DLC1: variants seen among roughly 807,000 people sequenced by gnomAD.
DLC1 encodes DLC1 Rho GTPase activating protein.
A neutral mutation model predicts 140.3 loss-of-function variants in DLC1; 54 were observed. The observed-to-expected ratio is 0.38, with a 90% CI of 0.31 to 0.48. The LOEUF (loss-of-function observed/expected upper bound fraction) is 0.48. DLC1 is among the 20% of genes least tolerant of loss of function. DLC1 has a pLI of 0.96. For missense variants in DLC1, 2,536 were observed against 1,907.0 expected, an observed-to-expected ratio of 1.33 and a Z score of -6.14; for synonymous variants, 986 against 728.1, an observed-to-expected ratio of 1.35 and a Z score of -5.70.
intron 1 of DLC1, among the ~76,000 whole-genome samples, chr8:13,586,271 G>C (rs1805306561): frequency 6.6e-6 from 1 of 152,148 alleles, no homozygotes. Context: ...CCAAGACAGA[G>C]AGAATGAGGC....
chr8:13,533,794 C>T (rs1803179759), intron 1 of DLC1, among the ~76,000 whole-genome samples: 1 of 152,132 alleles, frequency 6.6e-6, no homozygotes, highest in Non-Finnish European at 1.5e-5. Flanking sequence ...TAGTGGGGTT[C>T]TCACTGTAGT....
intron 4 of DLC1, among the ~76,000 whole-genome samples, chr8:13,362,145 T>A (rs1173950477): frequency 2.0e-5 from 3 of 151,956 alleles, no homozygotes; most frequent in Non-Finnish European, 4.4e-5. Context: ...CAGAGAGGAG[T>A]TGGCACATAC....
At chr8:13,120,091 C>G (rs1820914138) in intron 5 of DLC1, among the ~76,000 whole-genome samples, 1 of 151,610 alleles carries the variant, frequency 6.6e-6, no homozygotes, top group African/African-American at 2.4e-5. Flanking sequence ...GCCTGTAATA[C>G]CAGCACTTTA....
At position 13,115,437 on chromosome 8, in the gene DLC1, C is replaced by G. The variant is rs35858677; in HGVS notation, c.1420+149G>C. 304,630 of 694,938 alleles carry G rather than the reference C, an allele frequency of 0.44. 71,183 individuals are homozygous for G. The highest frequency in any genetic ancestry group is 0.53 in the Middle Eastern group (1,370 of 2,582). The allele number at this position is 694,938 out of a possible 1,614,324, so 43.0% of individuals were successfully genotyped here. On this transcript the variant is annotated intron_variant, in intron 6 of 17. Transcript: ENST00000276297. ...CCAAGGTGCTAGCTTTTGTTTTCAG[C>G]GGTGGGGGTCTTGCATGCTTACAAC... is the stretch of plus-strand genomic sequence containing the variant.
intron 5 of DLC1, among the ~76,000 whole-genome samples, chr8:13,262,452 A>G (rs763182137): frequency 6.6e-6 from 1 of 152,190 alleles, no homozygotes; most frequent in Non-Finnish European, 1.5e-5. Flanking sequence ...AAGCAATGAT[A>G]CATGGACAAC....
At chr8:13,318,197 ATTT>A (rs3988459) in intron 4 of DLC1, among the ~76,000 whole-genome samples, 4,518 of 136,232 alleles carry the variant, frequency 0.033, 218 homozygotes, top group African/African-American at 0.11. Flanking sequence ...GCTAATTAAA[ATTT>A]TTTTTTTTTT....
intron 4 of DLC1, among the ~76,000 whole-genome samples, chr8:13,378,657 G>T (rs1055213484): frequency 1.3e-5 from 2 of 151,944 alleles, no homozygotes; most frequent in African/African-American, 4.8e-5. Flanking sequence ...CTTATTACAT[G>T]TTTTTTTGTT....
intron 2 of DLC1, among the ~76,000 whole-genome samples, chr8:13,409,403 T>A (rs139843505): frequency 0.021 from 3,147 of 152,270 alleles, 41 homozygotes; most frequent in Non-Finnish European, 0.033. Context: ...CTCTCCCTCA[T>A]TTGCAATTTG....
At chr8:13,456,660 T>C (rs753569728) in intron 2 of DLC1, among the ~76,000 whole-genome samples, 1 of 152,120 alleles carries the variant, frequency 6.6e-6, no homozygotes, top group African/African-American at 2.4e-5. Flanking sequence ...GGTTTCACCA[T>C]GTGGGCCAGG....
intron 5 of DLC1, among the ~76,000 whole-genome samples, chr8:13,217,243 T>C (rs996848836): frequency 2.6e-5 from 4 of 152,188 alleles, no homozygotes; most frequent in African/African-American, 7.2e-5. Flanking sequence ...AGAAATATAA[T>C]ACAAGACACA....
chr8:13,194,131 T>C (rs986550062), intron 5 of DLC1, among the ~76,000 whole-genome samples: 1 of 152,202 alleles, frequency 6.6e-6, no homozygotes, highest in Non-Finnish European at 1.5e-5. Flanking sequence ...GAGCACTTAA[T>C]CTTCTAGGAA....
chr8:13,564,899 C>A (rs1001397310), intron 1 of DLC1, among the ~76,000 whole-genome samples: 6 of 152,180 alleles, frequency 3.9e-5, no homozygotes, highest in African/African-American at 1.4e-4. Context: ...CTTCATATCT[C>A]CCAATCCCCA....
At chr8:13,189,560 A>G (rs1404779903) in intron 5 of DLC1, among the ~76,000 whole-genome samples, 1 of 151,784 alleles carries the variant, frequency 6.6e-6, no homozygotes, top group East Asian at 1.9e-4. Context: ...TTCAGATCCA[A>G]TTAGGCATGT....
intron 1 of DLC1, among the ~76,000 whole-genome samples, chr8:13,550,522 T>G (rs2117354128): frequency 6.6e-6 from 1 of 152,272 alleles, no homozygotes; most frequent in African/African-American, 2.4e-5. Context: ...AAAAGGAAGG[T>G]AAGTCTCACT....
At chr8:13,495,979 T>C (rs987211583) in intron 2 of DLC1, among the ~76,000 whole-genome samples, 1 of 152,234 alleles carries the variant, frequency 6.6e-6, no homozygotes, top group African/African-American at 2.4e-5. Flanking sequence ...AATGAGCTGA[T>C]TACAATTCCA....
At chr8:13,329,979 T>C (rs1472982673) in intron 4 of DLC1, among the ~76,000 whole-genome samples, 1 of 152,172 alleles carries the variant, frequency 6.6e-6, no homozygotes, top group African/African-American at 2.4e-5. Context: ...TATTTTTACA[T>C]TTAGAGACAG....
chr8:13,270,748 G>A (rs940454482), intron 5 of DLC1, among the ~76,000 whole-genome samples: 1 of 149,566 alleles, frequency 6.7e-6, no homozygotes, highest in Non-Finnish European at 1.5e-5. Flanking sequence ...CTTTTTTTTT[G>A]GACTGGTTGA....
At chr8:13,566,773 G>C (rs1804446260) in intron 1 of DLC1, 1 of 597,546 alleles carries the variant, frequency 1.7e-6, no homozygotes. Flanking sequence ...AGTGGGCGCT[G>C]GGGAGCGCGG....
intron 2 of DLC1, among the ~76,000 whole-genome samples, chr8:13,448,960 GT>G (rs994704639): frequency 6.6e-6 from 1 of 151,970 alleles, no homozygotes; most frequent in African/African-American, 2.4e-5. Flanking sequence ...CCCGCTATGG[GT>G]TTTTTTAGAC....
Sources: allele counts gnomAD v4.1 joint callset (sites outside exome capture counted in the v4.1 genomes callset), GRCh38; gene constraint gnomAD v4.1.1; transcripts MANE v1.5; gene names NCBI Gene and HGNC (gene_info 2026-07-23, HGNC 2026-07-21).